PIGG: variants seen among roughly 807,000 people sequenced by gnomAD.
PIGG encodes the protein phosphatidylinositol glycan anchor biosynthesis class G (EMM blood group).
In PIGG, 70 loss-of-function variants were observed where a neutral mutation model predicts 83.2. That is an observed-to-expected ratio of 0.84 (90% CI 0.69 to 1.03). The LOEUF (loss-of-function observed/expected upper bound fraction) is 1.03. Ranked by LOEUF, PIGG falls within the 50% of genes least tolerant of loss-of-function variation. The pLI is 0.00. For synonymous variants in PIGG, 532 were observed against 519.5 expected (o/e 1.02, Z -0.33); for missense variants, 1,257 against 1,233.6 (o/e 1.02, Z -0.28).
At chr4:510,340 T>C (rs1195127029) in intron 5 of PIGG, among the ~76,000 whole-genome samples, 7 of 152,234 alleles carry the variant, frequency 4.6e-5, no homozygotes, top group East Asian at 1.9e-4. Flanking sequence ...TAAGGCACGG[T>C]TCTCTCATGC....
intron 5 of PIGG, among the ~76,000 whole-genome samples, chr4:514,169 C>A (rs530777032): frequency 6.6e-6 from 1 of 152,278 alleles, no homozygotes; most frequent in South Asian, 2.1e-4. Context: ...TACAGCCAAT[C>A]TTCTTTCATC....
intron 12 of PIGG, among the ~76,000 whole-genome samples, chr4:534,768 A>G (rs759323095): frequency 6.7e-6 from 1 of 150,318 alleles, no homozygotes; most frequent in Non-Finnish European, 1.5e-5. Context: ...ATCTCCTGGC[A>G]GCTTTGTGCA....
chr4:511,049 T>C (rs1721726115), intron 5 of PIGG, among the ~76,000 whole-genome samples: 1 of 152,110 alleles, frequency 6.6e-6, no homozygotes, highest in Non-Finnish European at 1.5e-5. Context: ...ATCCCAGCAC[T>C]TTGGGAGACT....
rs146406359 is a variant in PIGG, at chr4:499,397, C to T, written c.62C>T (p.Ala21Val). Residue 21 changes from alanine to valine, a missense_variant, in exon 1 of 13, where the codon GCG becomes GTG. Ala to Val is a moderately conservative substitution (Grantham distance 64). Coordinates refer to ENST00000453061, the MANE Select transcript of PIGG (RefSeq NM_001127178.3). ...GTAGCGATCGAGGTGCTAGGGATCG[C>T]GGTCTTCCTTCGGGGATTCTTCCCG... ...CCVAIEVLGI[A>V]VFLRGFFPAP... The T allele has an allele frequency of 1.2e-6, 2 of 1,609,856 alleles. No homozygotes were observed. Among genetic ancestry groups the T allele is most frequent in the East Asian group, 2.2e-5 (1 of 44,858 alleles).
chr4:513,235 C>G (rs1311666429), intron 5 of PIGG, among the ~76,000 whole-genome samples: 1 of 152,152 alleles, frequency 6.6e-6, no homozygotes, highest in Non-Finnish European at 1.5e-5. Flanking sequence ...TATTGATAAG[C>G]AAGTTTATGG....
At position 527,039 on chromosome 4, in the gene PIGG, C is replaced by T. The variant is rs559106384; in HGVS notation, c.2070C>T (p.Ser690=). Residue 690 remains serine, a splice_region_variant and synonymous_variant, in exon 10 of 13, where the codon AGC becomes AGT. Transcript: ENST00000453061. Reference sequence around the variant, plus strand: ...GCTGGCATTTTCCATCTCATTTCAGCTCTGACCACAAAGCCGAGCTCTCTG... The same window carrying T: ...GCTGGCATTTTCCATCTCATTTCAGTTCTGACCACAAAGCCGAGCTCTCTG... The part of the protein sequence containing the change: ...HRPDLGHWLT[S]SDHKAELSVL... 18 of 1,614,150 alleles carry T rather than the reference C, an allele frequency of 1.1e-5. No individual in the cohort carries two copies. The South Asian group carries it at 2.0e-4, about 18-fold the overall frequency.
intron 6 of PIGG, among the ~76,000 whole-genome samples, chr4:517,408 C>T (rs999436948): frequency 7.2e-5 from 11 of 152,068 alleles, no homozygotes; most frequent in South Asian, 2.1e-4. Context: ...GGTACGACTC[C>T]GGGGCTTTCA....
intron 1 of PIGG, 176 bp downstream of exon 1, chr4:499,665 C>G: frequency 7.1e-7 from 1 of 1,414,526 alleles, no homozygotes; most frequent in Non-Finnish European, 9.2e-7. Flanking sequence ...TGTATTCTTA[C>G]AACTTTGTGG....
At chr4:512,586 G>T (rs1372567502) in intron 5 of PIGG, among the ~76,000 whole-genome samples, 1 of 151,926 alleles carries the variant, frequency 6.6e-6, no homozygotes, top group Non-Finnish European at 1.5e-5. Context: ...GGAGGCCAAG[G>T]CGGGTGGATC....
chr4:517,738 A>G (rs1328905883), intron 6 of PIGG, among the ~76,000 whole-genome samples: 4 of 150,366 alleles, frequency 2.7e-5, no homozygotes, highest in African/African-American at 7.3e-5. Context: ...TAGGAGGTGG[A>G]GTTGCCTGAG....
rs556874915 is a variant in PIGG at position 538,828 on chromosome 4, A to C, written c.2736-325A>C. ...GCTCAAGGTGTGTGTGGGGGGGGAC[A>C]TGGTGGCCCTCACCCATCCTTCTGT... On this transcript the variant is annotated intron_variant, in intron 12 of 12. Transcript: ENST00000453061. Among the ~76,000 whole-genome samples the C allele has an allele frequency of 3.9e-5, 6 of 152,322 alleles. No homozygotes were observed. The East Asian group carries it at 5.8e-4, about 15-fold the overall frequency.
In PIGG at chr4:507,455, T is replaced by C; in HGVS notation, c.621T>C (p.Asp207=). The C allele has an allele frequency of 6.2e-7, 1 of 1,613,930 alleles. No individual in the cohort carries two copies. Among genetic ancestry groups the C allele is most frequent in the Non-Finnish European group, 8.5e-7 (1 of 1,179,834 alleles). ...TGGATAAAGTATTAAAAAGAGGAGA[T>C]TGGGACATATTAATCCTCCACTACC... The part of the protein sequence containing the change: ...RHLDKVLKRG[D]WDILILHYLG... Residue 207 remains aspartate, a synonymous_variant, in exon 4 of 13, where the codon GAT becomes GAC. Transcript: ENST00000453061.
In PIGG at chr4:507,399, T is replaced by A; in HGVS notation, c.571-6T>A. 1 of 1,604,546 alleles carries A rather than the reference T, an allele frequency of 6.2e-7. No homozygotes were observed. The highest frequency in any genetic ancestry group is 1.7e-5 in the Admixed American group (1 of 59,434). ...AGTTGTTTATACGTGTGTTTCCCCTTCAAAGGTGGATAATAATGTCACGAG... is the reference window on the plus strand; with the variant it reads ...AGTTGTTTATACGTGTGTTTCCCCTACAAAGGTGGATAATAATGTCACGAG... On this transcript the variant is annotated splice_polypyrimidine_tract_variant and splice_region_variant and intron_variant, in intron 3 of 12. Coordinates refer to ENST00000453061, the MANE Select transcript of PIGG (RefSeq NM_001127178.3).
intron 5 of PIGG, among the ~76,000 whole-genome samples, chr4:509,314 A>G (rs1721026240): frequency 6.6e-6 from 1 of 152,196 alleles, no homozygotes; most frequent in South Asian, 2.1e-4. Flanking sequence ...AGTTTGCATT[A>G]TTGTAAACCA....
In PIGG at chr4:515,707, GC is replaced by G. The variant is rs1334690493; in HGVS notation, c.902-263del. Among the ~76,000 whole-genome samples the G allele has an allele frequency of 6.6e-6, 1 of 152,196 alleles. No individual in the cohort carries two copies. Among genetic ancestry groups the G allele is most frequent in the Non-Finnish European group, 1.5e-5 (1 of 68,030 alleles). ...CTCTGTGTTCAGCCCATGCTCCGTAGCCCTTACTGTATGGAATTCCTCACAT... is the reference window on the plus strand; with the variant it reads ...CTCTGTGTTCAGCCCATGCTCCGTAGCCTTACTGTATGGAATTCCTCACAT... On this transcript the variant is annotated intron_variant, in intron 5 of 12. Transcript: ENST00000453061. The surrounding 1 kb of genome is among the most constrained non-coding windows in gnomAD (Gnocchi z 4.2).
rs1217621022 is a variant in PIGG, at chr4:501,874, A to G, written c.360+1273A>G. On this transcript the variant is annotated intron_variant, in intron 2 of 12. Transcript: ENST00000453061. ...TAGAAAATCGGTAAAATATGAATCA[A>G]TGAAGATGGTTTCAGACAGTGACAA... is the stretch of plus-strand genomic sequence containing the variant. 2.0e-5 allele frequency: 3 copies of G among 152,394 alleles called. No individual in the cohort carries two copies. The East Asian group carries it at 5.8e-4, about 29-fold the overall frequency. 9.4% of individuals were successfully genotyped at this position (152,394 alleles called of 1,614,324 possible). A position where few individuals can be genotyped will look rare whatever the true frequency, so the allele number is the denominator to read the frequency against.
intron 5 of PIGG, 110 bp downstream of exon 5, chr4:509,080 C>T (rs1720940159): frequency 2.4e-6 from 2 of 816,756 alleles, no homozygotes; most frequent in Non-Finnish European, 3.8e-6. Flanking sequence ...GTTGAAGTCC[C>T]CAAGCAATGT....
intron 12 of PIGG, among the ~76,000 whole-genome samples, chr4:536,531 T>A (rs1482191843): frequency 1.3e-5 from 2 of 152,216 alleles, no homozygotes; most frequent in Non-Finnish European, 2.9e-5. Flanking sequence ...GAGACGTCCT[T>A]CCAGACTTCG....
chr4:535,156 G>C (rs911345670), intron 12 of PIGG, among the ~76,000 whole-genome samples: 10 of 152,208 alleles, frequency 6.6e-5, no homozygotes, highest in African/African-American at 2.4e-4. Context: ...GGCGGGGGTG[G>C]GTGATTCTGT....
Sources: allele counts gnomAD v4.1 joint callset (sites outside exome capture counted in the v4.1 genomes callset), GRCh38; gene constraint gnomAD v4.1.1; non-coding constraint Gnocchi (gnomAD v3.1); transcripts MANE v1.5; gene names NCBI Gene and HGNC (gene_info 2026-07-23, HGNC 2026-07-21).